Variants in ASAP2 observed in about 807,000 individuals in gnomAD.
The protein encoded by ASAP2 is arf-GAP with SH3 domain, ANK repeat and PH domain-containing protein 2.
ASAP2 carries 45 observed loss-of-function variants against 131.4 expected under a neutral mutation model. The observed-to-expected ratio is 0.34, with a 90% confidence interval of 0.27 to 0.44. ASAP2 has a LOEUF of 0.44. Ranked by LOEUF, ASAP2 falls within the 20% of genes least tolerant of loss-of-function variation. The pLI is 1.00. For synonymous variants in ASAP2, 510 were observed against 503.0 expected, an observed-to-expected ratio of 1.01 and a Z score of -0.19; for missense variants, 1,011 against 1,297.0, an observed-to-expected ratio of 0.78 and a Z score of 3.39.
chr2:9,219,599 C>T (rs1342211186), intron 1 of ASAP2, among the ~76,000 whole-genome samples: 3 of 152,180 alleles, frequency 2.0e-5, no homozygotes, highest in Non-Finnish European at 4.4e-5. Flanking sequence ...TGAATCATAT[C>T]TTCAAGTTGA....
At chr2:9,233,971 C>T (rs1187566559) in intron 1 of ASAP2, among the ~76,000 whole-genome samples, 32 of 151,924 alleles carry the variant, frequency 2.1e-4, no homozygotes, top group Non-Finnish European at 4.4e-4. Flanking sequence ...ATTAGCTGGT[C>T]GTGGTGACAG....
At chr2:9,250,594 G>A (rs1415816364) in intron 1 of ASAP2, among the ~76,000 whole-genome samples, 2 of 39,422 alleles carry the variant, frequency 5.1e-5, no homozygotes, top group African/African-American at 5.8e-4. Context: ...GCAGTGTGGT[G>A]TGCTCTTTCA....
chr2:9,344,504 T>G (rs1671820014), intron 9 of ASAP2, 28 bp from the exon 10 acceptor site: 2 of 1,585,752 alleles, frequency 1.3e-6, no homozygotes, highest in Non-Finnish European at 8.7e-7. Flanking sequence ...TGGACAAGAT[T>G]AAAAACACAC....
intron 6 of ASAP2, among the ~76,000 whole-genome samples, chr2:9,323,901 C>T (rs1670320116): frequency 1.3e-5 from 2 of 152,320 alleles, no homozygotes; most frequent in South Asian, 2.1e-4. Flanking sequence ...GGCCTTTGCT[C>T]ACAGATTTTT....
At chr2:9,241,915 T>A (rs1407140685) in intron 1 of ASAP2, among the ~76,000 whole-genome samples, 1 of 151,932 alleles carries the variant, frequency 6.6e-6, no homozygotes, top group Non-Finnish European at 1.5e-5. Flanking sequence ...TCCCAATAAG[T>A]TTAGGGGAGC....
At chr2:9,292,232 G>C (rs1280346787) in intron 2 of ASAP2, among the ~76,000 whole-genome samples, 2 of 152,164 alleles carry the variant, frequency 1.3e-5, no homozygotes, top group Non-Finnish European at 2.9e-5. Flanking sequence ...GCTGGATGCA[G>C]ACAGGGGCTT....
At chr2:9,236,110 A>G (rs1420055416) in intron 1 of ASAP2, among the ~76,000 whole-genome samples, 1 of 151,996 alleles carries the variant, frequency 6.6e-6, no homozygotes, top group African/African-American at 2.4e-5. Flanking sequence ...AAAAGGCTTC[A>G]GGTGATGGTG....
chr2:9,360,732 A>G (rs933692994), intron 15 of ASAP2, among the ~76,000 whole-genome samples: 9 of 152,224 alleles, frequency 5.9e-5, no homozygotes, highest in Non-Finnish European at 1.2e-4. Flanking sequence ...ATGAACATGG[A>G]CAATAGTAAA....
chr2:9,235,660 C>T (rs1235464637), intron 1 of ASAP2, among the ~76,000 whole-genome samples: 2 of 152,070 alleles, frequency 1.3e-5, no homozygotes, highest in African/African-American at 4.8e-5. Context: ...GGAGTTCAGA[C>T]CACGTCTCGG....
intron 3 of ASAP2, among the ~76,000 whole-genome samples, chr2:9,317,272 T>C (rs1424305715): frequency 7.1e-6 from 1 of 139,934 alleles, no homozygotes; most frequent in Non-Finnish European, 1.5e-5. Context: ...CACACACTCA[T>C]ATCCACACCC....
In ASAP2 at chr2:9,335,303, G is replaced by C. The variant is rs555437022; in HGVS notation, c.849+124G>C. 85 of 758,500 alleles carry C rather than the reference G, an allele frequency of 1.1e-4. No individual in the cohort carries two copies. The African/African-American group carries it at 1.4e-3, about 12-fold the overall frequency. 47.0% of individuals were successfully genotyped at this position (758,500 alleles called of 1,614,324 possible). A position where few individuals can be genotyped will look rare whatever the true frequency, so the allele number is the denominator to read the frequency against. ...TTCACTCGGGCTGTGTCAGGCACCA[G>C]TAAAACATTTAATGTATTCTTGCAA... On this transcript the variant is annotated intron_variant, in intron 9 of 27. Transcript: ENST00000281419.
intron 3 of ASAP2, among the ~76,000 whole-genome samples, chr2:9,306,796 C>T (rs947620232): frequency 2.6e-5 from 4 of 152,094 alleles, no homozygotes; most frequent in Non-Finnish European, 4.4e-5. Flanking sequence ...AATCTGAAGC[C>T]TGGCACCCCA....
rs1342238568 is a variant in ASAP2 at position 9,217,684 on chromosome 2, G to A, written c.126+10454G>A. ...GGCTGGAGTGCGGTGGCACAATCTC[G>A]GCTCACTGCAAGCTCCGCCTCCTGG... On this transcript the variant is annotated intron_variant, in intron 1 of 27. Coordinates refer to ENST00000281419, the MANE Select transcript of ASAP2 (RefSeq NM_003887.3). This position sits in a 1 kb window ranked among gnomAD's most constrained non-coding sequence, Gnocchi z 4.0. Among the ~76,000 whole-genome samples, 2 of 150,910 alleles carry A rather than the reference G, an allele frequency of 1.3e-5. No individual in the cohort carries two copies. Among genetic ancestry groups the A allele is most frequent in the African/African-American group, 2.4e-5 (1 of 40,912 alleles).
chr2:9,266,132 C>T (rs1665926501), intron 1 of ASAP2, among the ~76,000 whole-genome samples: 1 of 148,096 alleles, frequency 6.8e-6, no homozygotes, highest in Admixed American at 6.8e-5. Context: ...TTTATAAAAA[C>T]GATTGCCTTT....
At chr2:9,224,241 ACT>A (rs1322632225) in intron 1 of ASAP2, among the ~76,000 whole-genome samples, 1 of 151,590 alleles carries the variant, frequency 6.6e-6, no homozygotes, top group Admixed American at 6.6e-5. Context: ...ACCTCTGAAT[ACT>A]CTGGCGCTTC....
chr2:9,261,670 G>A (rs1054705324), intron 1 of ASAP2, among the ~76,000 whole-genome samples: 64 of 152,226 alleles, frequency 4.2e-4, no homozygotes, highest in Admixed American at 2.3e-3. Context: ...GCCCAGTGCT[G>A]CCCCCAACCT....
chr2:9,271,890 C>T (rs900010034), intron 1 of ASAP2, among the ~76,000 whole-genome samples: 3 of 152,002 alleles, frequency 2.0e-5, no homozygotes, highest in Non-Finnish European at 2.9e-5. Context: ...GACAGGATCT[C>T]ATTCTTTTTT....
chr2:9,392,268 T>A lies in ASAP2; in HGVS notation c.2518+1072T>A, dbSNP rs1675789561. Reference sequence around the variant, plus strand: ...TTCTCCAGTGTACAGAACTAAAGTCTTTTTTCACTGGATCAGAGAAGCGAG... The same window carrying A: ...TTCTCCAGTGTACAGAACTAAAGTCATTTTTCACTGGATCAGAGAAGCGAG... On this transcript the variant is annotated intron_variant, in intron 23 of 27. Coordinates refer to ENST00000281419, the MANE Select transcript of ASAP2 (RefSeq NM_003887.3). This position sits in a 1 kb window ranked among gnomAD's most constrained non-coding sequence, Gnocchi z 4.0. Among the ~76,000 whole-genome samples, 1 of 152,234 alleles carries A rather than the reference T, an allele frequency of 6.6e-6. No individual in the cohort carries two copies. The highest frequency in any genetic ancestry group is 2.4e-5 in the African/African-American group (1 of 41,466).
intron 3 of ASAP2, among the ~76,000 whole-genome samples, chr2:9,317,740 CCACACT>C (rs1377860643): frequency 2.6e-5 from 4 of 151,014 alleles, no homozygotes; most frequent in East Asian, 2.0e-4. Flanking sequence ...ACACTCACAT[CCACACT>C]CACACTCACA....
Sources: gnomAD v4.1 joint callset for allele counts (sites outside exome capture counted in the v4.1 genomes callset) on GRCh38, gnomAD v4.1.1 for gene constraint, Gnocchi (gnomAD v3.1) non-coding constraint, MANE v1.5 for transcripts, NCBI Gene and HGNC (gene_info 2026-07-23, HGNC 2026-07-21) for gene names.